The following COL19A1 variants were observed in gnomAD, a reference collection of about 807,000 sequenced individuals.
COL19A1 encodes the protein collagen type XIX alpha 1 chain.
COL19A1 carries 159 observed loss-of-function variants against 190.2 expected under a neutral mutation model. That is an observed-to-expected ratio of 0.84 (90% CI 0.73 to 0.95). The LOEUF (loss-of-function observed/expected upper bound fraction) is 0.95. COL19A1 is among the 40% of genes least tolerant of loss of function. COL19A1 has a pLI of 0.00. For missense variants in COL19A1, 1,418 were observed against 1,431.9 expected, an observed-to-expected ratio of 0.99 and a Z score of 0.16; for synonymous variants, 509 against 458.9, an observed-to-expected ratio of 1.11 and a Z score of -1.39.
chr6:70,085,122 C>A (rs1312327421), intron 15 of COL19A1, among the ~76,000 whole-genome samples: 3 of 152,148 alleles, frequency 2.0e-5, no homozygotes, highest in African/African-American at 7.2e-5. Context: ...ATATTAATTT[C>A]TAAGTATTTG....
intron 9 of COL19A1, among the ~76,000 whole-genome samples, chr6:69,948,588 T>C (rs1773953713): frequency 6.6e-6 from 1 of 151,698 alleles, no homozygotes; most frequent in Non-Finnish European, 1.5e-5. Flanking sequence ...GCCATGATAG[T>C]AAGAAAACAA....
rs994278492 is a variant in COL19A1 at position 70,102,095 on chromosome 6, C to A, written c.1225-74C>A. 6 of 1,135,026 alleles carry A rather than the reference C, an allele frequency of 5.3e-6. No individual in the cohort carries two copies. In the East Asian group the frequency reaches 1.4e-4, roughly 27 times the overall value. The allele number at this position is 1,135,026 out of a possible 1,614,324, so 70.3% of individuals were successfully genotyped here. A position where few individuals can be genotyped will look rare whatever the true frequency, so the allele number is the denominator to read the frequency against. On this transcript the variant is annotated intron_variant, in intron 15 of 50. Coordinates refer to ENST00000620364, the MANE Select transcript of COL19A1 (RefSeq NM_001858.6). ...GTTCATTTTTACTGTCTTCAATATT[C>A]CCATTTAATATTGTTTGATATTAAA... is the stretch of plus-strand genomic sequence containing the variant.
At chr6:69,870,166 C>A (rs1767737936) in intron 1 of COL19A1, among the ~76,000 whole-genome samples, 2 of 152,124 alleles carry the variant, frequency 1.3e-5, no homozygotes. Flanking sequence ...TATTTTTAGT[C>A]CAAGTGTATT....
Position 70,152,243 on chromosome 6 carries a change from C to T in COL19A1, c.2079+805C>T, listed in dbSNP as rs546168673. ...CGTTGTGTATGTGTACACACACACA[C>T]GCACACACACACAGACTACAGTTAT... On this transcript the variant is annotated intron_variant, in intron 31 of 50. Coordinates refer to ENST00000620364, the MANE Select transcript of COL19A1 (RefSeq NM_001858.6). Among the ~76,000 whole-genome samples, 27 of 152,096 alleles carry T rather than the reference C, an allele frequency of 1.8e-4. No individual in the cohort carries two copies. The South Asian group carries it at 4.6e-3, about 26-fold the overall frequency.
chr6:70,162,183 T>C (rs1787850041), intron 35 of COL19A1, among the ~76,000 whole-genome samples: 1 of 152,182 alleles, frequency 6.6e-6, no homozygotes, highest in Non-Finnish European at 1.5e-5. Flanking sequence ...GAAAGCAGTC[T>C]GCGATTAAGC....
At chr6:70,153,714 T>A (rs897441336) in intron 31 of COL19A1, among the ~76,000 whole-genome samples, 2 of 152,202 alleles carry the variant, frequency 1.3e-5, no homozygotes, top group African/African-American at 2.4e-5. Flanking sequence ...ATCTTTTTCA[T>A]ACTTTTTGAA....
intron 12 of COL19A1, among the ~76,000 whole-genome samples, chr6:70,032,294 A>C (rs34868579): frequency 0.044 from 6,735 of 152,258 alleles, 191 homozygotes; most frequent in Middle Eastern, 0.066. Context: ...TCTTGCTATA[A>C]CTGAGCTGGG....
chr6:69,909,007 T>C (rs908711218), intron 4 of COL19A1, among the ~76,000 whole-genome samples: 2 of 152,266 alleles, frequency 1.3e-5, no homozygotes, highest in Middle Eastern at 3.4e-3. Context: ...CATAAATCTA[T>C]TTATACATTT....
intron 2 of COL19A1, among the ~76,000 whole-genome samples, chr6:69,885,889 A>G (rs1445063262): frequency 6.6e-6 from 1 of 152,200 alleles, no homozygotes; most frequent in Non-Finnish European, 1.5e-5. Flanking sequence ...CCCAGAAGCG[A>G]TCATGGGGGA....
intron 13 of COL19A1, 78 bp downstream of exon 13, chr6:70,034,376 C>G: frequency 9.9e-7 from 1 of 1,008,772 alleles, no homozygotes; most frequent in Middle Eastern, 2.1e-4. Context: ...CTCATTGATA[C>G]TGTTTATCTC....
chr6:70,088,202 A>G (rs1216820782), intron 15 of COL19A1, among the ~76,000 whole-genome samples: 1 of 152,178 alleles, frequency 6.6e-6, no homozygotes, highest in Non-Finnish European at 1.5e-5. Context: ...TCAAATGTAT[A>G]TATTTCTCTT....
chr6:69,873,105 C>T (rs1767934109), intron 1 of COL19A1, among the ~76,000 whole-genome samples: 1 of 152,078 alleles, frequency 6.6e-6, no homozygotes, highest in South Asian at 2.1e-4. Context: ...CTGCTCTGGA[C>T]CCTACATTTT....
At chr6:69,928,681 T>C (rs909014921) in intron 5 of COL19A1, among the ~76,000 whole-genome samples, 37 of 152,002 alleles carry the variant, frequency 2.4e-4, no homozygotes, top group African/African-American at 8.5e-4. Flanking sequence ...CTCATCGGAA[T>C]TGGGGGATGG....
chr6:69,866,678 C>G (rs1019800926), intron 1 of COL19A1, 38 bp downstream of exon 1: 1 of 152,312 alleles, frequency 6.6e-6, no homozygotes, highest in African/African-American at 2.4e-5. Context: ...CTGCACTTGC[C>G]CTCTCACACA....
chr6:69,979,032 CTG>C (rs1582588193), intron 11 of COL19A1, among the ~76,000 whole-genome samples: 2 of 151,722 alleles, frequency 1.3e-5, no homozygotes, highest in Non-Finnish European at 2.9e-5. Context: ...CCAAGAATAA[CTG>C]GAAAATATGA....
chr6:69,893,125 C>T (rs1197099794), intron 2 of COL19A1, among the ~76,000 whole-genome samples: 1 of 152,192 alleles, frequency 6.6e-6, no homozygotes, highest in Non-Finnish European at 1.5e-5. Flanking sequence ...AACCAAAAGT[C>T]AAATAAGTTG....
intron 15 of COL19A1, among the ~76,000 whole-genome samples, chr6:70,096,276 T>TTC (rs397887752): frequency 6.6e-6 from 1 of 151,336 alleles, no homozygotes; most frequent in Non-Finnish European, 1.5e-5. Context: ...TTTTTTTTTT[T>TTC]AGAAACGGGG....
rs191505909 is a variant in COL19A1, at chr6:69,998,207, A to G, written c.1027-25420A>G. On this transcript the variant is annotated intron_variant, in intron 11 of 50. Coordinates refer to ENST00000620364, the MANE Select transcript of COL19A1 (RefSeq NM_001858.6). Reference sequence around the variant, plus strand: ...AATTCCTTGCTAGCATAAATGAACTATAAGAGTTGCTAAAGAAGTCCCACA... The same window carrying G: ...AATTCCTTGCTAGCATAAATGAACTGTAAGAGTTGCTAAAGAAGTCCCACA... Among the ~76,000 whole-genome samples the G allele has an allele frequency of 8.5e-5, 13 of 152,354 alleles. No homozygotes were observed. In the East Asian group the frequency reaches 2.3e-3, roughly 27 times the overall value.
chr6:70,042,413 A>T (rs1443878943), intron 14 of COL19A1, among the ~76,000 whole-genome samples: 1 of 152,206 alleles, frequency 6.6e-6, no homozygotes, highest in Non-Finnish European at 1.5e-5. Context: ...TGCAATTTAT[A>T]TTATGCAAAA....
Sources: allele counts gnomAD v4.1 joint callset (sites outside exome capture counted in the v4.1 genomes callset), GRCh38; gene constraint gnomAD v4.1.1; transcripts MANE v1.5; gene names NCBI Gene and HGNC (gene_info 2026-07-23, HGNC 2026-07-21).